PLCB4: variants seen among roughly 807,000 people sequenced by gnomAD.
PLCB4 encodes phospholipase C beta 4.
PLCB4 carries 77 observed loss-of-function variants against 178.8 expected under a neutral mutation model. The ratio of observed to expected loss-of-function variants is 0.43; its 90% CI spans 0.36 to 0.52. PLCB4 has a LOEUF of 0.52. PLCB4 is among the 20% of genes least tolerant of loss of function. The pLI is 0.00. For synonymous variants in PLCB4, 496 were observed against 490.8 expected, an observed-to-expected ratio of 1.01 and a Z score of -0.14; for missense variants, 1,024 against 1,453.4, an observed-to-expected ratio of 0.70 and a Z score of 4.80.
At chr20:9,340,421 G>T (rs1164673134) in intron 7 of PLCB4, among the ~76,000 whole-genome samples, 1 of 152,086 alleles carries the variant, frequency 6.6e-6, no homozygotes, top group Non-Finnish European at 1.5e-5. Context: ...GATGCTCCAG[G>T]TGACTCGGAT....
At chr20:9,383,660 A>G (rs1452934076) in intron 13 of PLCB4, among the ~76,000 whole-genome samples, 1 of 152,210 alleles carries the variant, frequency 6.6e-6, no homozygotes, top group Non-Finnish European at 1.5e-5. Context: ...TGAAAACTGA[A>G]TTGTTTAAAC....
chr20:9,184,368 C>A (rs1233996393), intron 2 of PLCB4, among the ~76,000 whole-genome samples: 1 of 152,034 alleles, frequency 6.6e-6, no homozygotes, highest in Non-Finnish European at 1.5e-5. Flanking sequence ...TGAATGTTTC[C>A]TTTACCTTCA....
At chr20:9,075,771 G>A (rs893865728) in intron 1 of PLCB4, among the ~76,000 whole-genome samples, 17 of 152,236 alleles carry the variant, frequency 1.1e-4, no homozygotes, top group African/African-American at 3.9e-4. Context: ...TTCAAGAGAA[G>A]CATGAAATCC....
chr20:9,475,843 C>T (rs1376796529), intron 38 of PLCB4, among the ~76,000 whole-genome samples: 1 of 152,180 alleles, frequency 6.6e-6, no homozygotes, highest in Non-Finnish European at 1.5e-5. Context: ...AAGGCAAGGT[C>T]TGGAACTATA....
chr20:9,380,681 T>G (rs1470961211), intron 13 of PLCB4, among the ~76,000 whole-genome samples: 1 of 152,214 alleles, frequency 6.6e-6, no homozygotes, highest in Non-Finnish European at 1.5e-5. Context: ...CCTTTGTCCC[T>G]TTCAAAGAAG....
At chr20:9,250,791 A>G (rs1239363793) in intron 3 of PLCB4, among the ~76,000 whole-genome samples, 1 of 152,076 alleles carries the variant, frequency 6.6e-6, no homozygotes, top group Non-Finnish European at 1.5e-5. Context: ...ACTACATCTC[A>G]TGTGGCATCA....
intron 1 of PLCB4, among the ~76,000 whole-genome samples, chr20:9,092,308 G>A (rs1797272927): frequency 1.3e-5 from 2 of 152,130 alleles, no homozygotes; most frequent in Admixed American, 1.3e-4. Context: ...ATATCAGAAT[G>A]TAATGGTCCT....
At chr20:9,401,223 A>T (rs2148465758) in intron 19 of PLCB4, among the ~76,000 whole-genome samples, 1 of 152,012 alleles carries the variant, frequency 6.6e-6, no homozygotes, top group East Asian at 1.9e-4. Context: ...CCATCCACTT[A>T]AAAAAAATTT....
chr20:9,164,236 A>G (rs1013610247), intron 2 of PLCB4, among the ~76,000 whole-genome samples: 1 of 152,194 alleles, frequency 6.6e-6, no homozygotes, highest in Non-Finnish European at 1.5e-5. Context: ...GCAGGCCTTC[A>G]GTAAATGGTG....
At chr20:9,466,911 C>G (rs935049067) in intron 35 of PLCB4, among the ~76,000 whole-genome samples, 1 of 152,112 alleles carries the variant, frequency 6.6e-6, no homozygotes, top group African/African-American at 2.4e-5. Flanking sequence ...CCATTTGACC[C>G]AGCAATCCCA....
chr20:9,078,272 C>A (rs1265011140), intron 1 of PLCB4, among the ~76,000 whole-genome samples: 1 of 152,030 alleles, frequency 6.6e-6, no homozygotes, highest in Non-Finnish European at 1.5e-5. Context: ...TGAGCCACTG[C>A]GTCTGGCCTG....
At chr20:9,472,948 T>C (rs949035522) in intron 37 of PLCB4, 101 bp downstream of exon 37, 2 of 676,492 alleles carry the variant, frequency 3.0e-6, no homozygotes, top group Non-Finnish European at 5.1e-6. Context: ...AATTTGATTT[T>C]TCTGTACATT....
At chr20:9,351,838 C>T (rs1204389986) in intron 7 of PLCB4, among the ~76,000 whole-genome samples, 1 of 152,204 alleles carries the variant, frequency 6.6e-6, no homozygotes, top group Admixed American at 6.5e-5. Context: ...ATACTATTTA[C>T]TTTGGCATGA....
At chr20:9,441,466 C>T (rs1461381890) in intron 30 of PLCB4, among the ~76,000 whole-genome samples, 1 of 152,114 alleles carries the variant, frequency 6.6e-6, no homozygotes, top group Non-Finnish European at 1.5e-5. Context: ...AGAAGGCTTC[C>T]AGTGCAAGTA....
chr20:9,401,430 A>G lies in PLCB4; in HGVS notation c.1511-60A>G, dbSNP rs188213298. On this transcript the variant is annotated intron_variant, in intron 19 of 39. Transcript: ENST00000378473. ...TTATGTTCTACCCAAGATTGTGAAC[A>G]AGGTCTGACTACTTGGCAGTGGTTT... 3.9e-5 allele frequency: 44 copies of G among 1,115,722 alleles called. No individual in the cohort carries two copies. The African/African-American group carries it at 6.0e-4, about 15-fold the overall frequency. 69.1% of individuals were successfully genotyped at this position (1,115,722 alleles called of 1,614,324 possible).
intron 2 of PLCB4, among the ~76,000 whole-genome samples, chr20:9,145,693 C>A (rs1190754619): frequency 1.3e-5 from 2 of 152,026 alleles, no homozygotes; most frequent in South Asian, 4.1e-4. Flanking sequence ...TTCACGCACC[C>A]AACCATGCAA....
chr20:9,315,333 A>G (rs532948023), intron 4 of PLCB4, among the ~76,000 whole-genome samples: 1 of 152,306 alleles, frequency 6.6e-6, no homozygotes, highest in Admixed American at 6.5e-5. Flanking sequence ...AAGACATTAC[A>G]ACTTAATCCA....
At chr20:9,125,290 A>G (rs1211737143) in intron 2 of PLCB4, among the ~76,000 whole-genome samples, 4 of 152,194 alleles carry the variant, frequency 2.6e-5, no homozygotes, top group Non-Finnish European at 4.4e-5. Context: ...AAAACTAAAA[A>G]CTTATTTTTA....
At chr20:9,230,135 C>T (rs2093916050) in intron 3 of PLCB4, among the ~76,000 whole-genome samples, 3 of 152,104 alleles carry the variant, frequency 2.0e-5, no homozygotes. Flanking sequence ...ATGGTGTTTG[C>T]TGTGTACACT....
Sources: gnomAD v4.1 joint callset for allele counts (sites outside exome capture counted in the v4.1 genomes callset) on GRCh38, gnomAD v4.1.1 for gene constraint, MANE v1.5 for transcripts, NCBI Gene and HGNC (gene_info 2026-07-23, HGNC 2026-07-21) for gene names.